The following P4HA3 variants were observed in gnomAD, a reference collection of about 807,000 sequenced individuals.
P4HA3 encodes prolyl 4-hydroxylase subunit alpha-3.
A neutral mutation model predicts 66.7 loss-of-function variants in P4HA3; 60 were observed. The observed-to-expected ratio is 0.90, with a 90% CI of 0.73 to 1.12. The LOEUF (loss-of-function observed/expected upper bound fraction) is 1.12. Among genes scored for constraint, P4HA3 ranks in the 50% most tolerant of loss-of-function variants. The pLI is 0.00. For synonymous variants in P4HA3, 263 were observed against 274.6 expected (o/e 0.96, Z 0.42); for missense variants, 683 against 685.8 (o/e 1.00, Z 0.05).
intron 1 of P4HA3, among the ~76,000 whole-genome samples, chr11:74,308,994 C>T (rs1235822734): frequency 6.6e-6 from 1 of 152,144 alleles, no homozygotes; most frequent in Admixed American, 6.5e-5. Flanking sequence ...CTGTTAAACT[C>T]CTGAATTCAC....
chr11:74,307,427 C>T (rs1375487458), intron 1 of P4HA3, among the ~76,000 whole-genome samples: 1 of 152,124 alleles, frequency 6.6e-6, no homozygotes, highest in Non-Finnish European at 1.5e-5. Flanking sequence ...TTCTTAGCAC[C>T]CCTCTTTGCA....
At chr11:74,287,184 C>T in intron 5 of P4HA3, 1 of 1,275,692 alleles carries the variant, frequency 7.8e-7, no homozygotes, top group South Asian at 1.3e-5. Context: ...CTGCTGGCCT[C>T]TTTGCATGAC....
intron 1 of P4HA3, among the ~76,000 whole-genome samples, chr11:74,305,889 A>G (rs1054746745): frequency 2.6e-5 from 4 of 152,210 alleles, no homozygotes; most frequent in Non-Finnish European, 5.9e-5. Context: ...TTAGTGAGTA[A>G]GAAAGACACA....
chr11:74,300,542 C>G (rs1023719905), intron 3 of P4HA3, among the ~76,000 whole-genome samples: 1 of 152,020 alleles, frequency 6.6e-6, no homozygotes, highest in Non-Finnish European at 1.5e-5. Flanking sequence ...TCACTTGAGC[C>G]CCCCCAGGTG....
chr11:74,306,782 T>C (rs752883238), intron 1 of P4HA3, among the ~76,000 whole-genome samples: 4 of 152,168 alleles, frequency 2.6e-5, no homozygotes, highest in South Asian at 2.1e-4. Flanking sequence ...AAATGTTCAA[T>C]TCAACATAAA....
At chr11:74,280,349 G>A (rs1355979622) in intron 7 of P4HA3, among the ~76,000 whole-genome samples, 8 of 151,632 alleles carry the variant, frequency 5.3e-5, no homozygotes, top group African/African-American at 1.2e-4. Context: ...TTGTAGATAC[G>A]GGGTCTTGTT....
At chr11:74,269,546 TGGCCCTCCTCC>T in intron 11 of P4HA3, 95 bp downstream of exon 11, 2 of 1,176,692 alleles carry the variant, frequency 1.7e-6, no homozygotes, top group Non-Finnish European at 2.4e-6. Context: ...GACCTCTTTT[TGGCCCTCCTCC>T]CAGGAATGGG....
chr11:74,288,755 C>G (rs1291264572), intron 5 of P4HA3, among the ~76,000 whole-genome samples: 1 of 151,870 alleles, frequency 6.6e-6, no homozygotes, highest in Non-Finnish European at 1.5e-5. Context: ...TTGAGACCAG[C>G]CTGGCCAACG....
intron 5 of P4HA3, 112 bp downstream of exon 5, chr11:74,288,964 AAAG>A: frequency 1.3e-6 from 1 of 751,144 alleles, no homozygotes; most frequent in Non-Finnish European, 1.9e-6. Context: ...AAAAAAAAAA[AAAG>A]ATAATAAAGA....
intron 7 of P4HA3, among the ~76,000 whole-genome samples, chr11:74,280,498 TC>T (rs1322314719): frequency 6.6e-6 from 1 of 152,080 alleles, no homozygotes; most frequent in African/African-American, 2.4e-5. Context: ...AATTGCAAAA[TC>T]CAGGGACAGA....
intron 15 of P4HA3, chr11:74,253,681 A>G: frequency 1.1e-5 from 8 of 731,046 alleles, no homozygotes; most frequent in Non-Finnish European, 1.9e-5. Context: ...TGCCAAAAGC[A>G]TTGTTTTCCA....
intron 4 of P4HA3, among the ~76,000 whole-genome samples, chr11:74,292,559 T>A (rs1861067873): frequency 6.6e-6 from 1 of 152,206 alleles, no homozygotes; most frequent in Non-Finnish European, 1.5e-5. Context: ...TTTAGATCTT[T>A]CCTGCTTTCT....
At chr11:74,282,937 G>A (rs1407983957) in intron 7 of P4HA3, among the ~76,000 whole-genome samples, 1 of 152,210 alleles carries the variant, frequency 6.6e-6, no homozygotes, top group East Asian at 1.9e-4. Flanking sequence ...GGGCTAGCGG[G>A]CCCAGCGAAG....
At chr11:74,286,485 A>G in intron 5 of P4HA3, 94 bp from the exon 6 acceptor site, 1 of 1,218,258 alleles carries the variant, frequency 8.2e-7, no homozygotes, top group Non-Finnish European at 1.1e-6. Context: ...TCACTGCTGC[A>G]CAGGATGGGC....
At chr11:74,282,163 T>TC (rs931004741) in intron 7 of P4HA3, among the ~76,000 whole-genome samples, 10 of 150,390 alleles carry the variant, frequency 6.6e-5, no homozygotes, top group African/African-American at 2.4e-4. Flanking sequence ...CCCTAAGGAA[T>TC]CCCCCCCATC....
Position 74,286,364 on chromosome 11 carries a change from T to G in P4HA3, c.797A>C (p.Asn266Thr). Residue 266 changes from asparagine (N) to threonine (T), a missense_variant, in exon 6 of 13, where the codon AAT becomes ACT. Asn to Thr is a moderately conservative substitution (Grantham distance 65, BLOSUM62 0). Transcript: ENST00000331597. The part of the protein sequence containing the change: ...YSPDNKRMAR[N>T]VLKYERLLAE... ...CAAGAGCCTTTCATATTTCAAGACA[T>G]TCCTGGCCATCCTCTTATTATCTGG... The G allele has an allele frequency of 2.6e-6, 4 of 1,563,068 alleles. No individual in the cohort carries two copies. The highest frequency in any genetic ancestry group is 3.5e-6 in the Non-Finnish European group (4 of 1,156,666).
chr11:74,266,780 G>A lies in P4HA3; in HGVS notation c.*468C>T. The A allele has an allele frequency of 2.3e-6, 1 of 444,298 alleles. No individual in the cohort carries two copies. The highest frequency in any genetic ancestry group is 4.0e-6 in the Non-Finnish European group (1 of 251,162). The allele number at this position is 444,298 out of a possible 1,614,324, so 27.5% of individuals were successfully genotyped here. ...ACTCATCTGGGATATGCTTCTGGGA[G>A]GGGGACACTCCCTGCTTGGGCTGCA... On this transcript the variant is annotated 3_prime_UTR_variant, in exon 13 of 13. Coordinates refer to ENST00000331597, the MANE Select transcript of P4HA3 (RefSeq NM_182904.5).
chr11:74,295,954 TGA>T (rs1321706613), intron 4 of P4HA3, among the ~76,000 whole-genome samples: 5 of 152,340 alleles, frequency 3.3e-5, no homozygotes, highest in Admixed American at 6.5e-5. Flanking sequence ...TTCTAAAACT[TGA>T]GAGTCTTGTA....
chr11:74,301,589 T>C (rs1861408176), intron 3 of P4HA3, among the ~76,000 whole-genome samples: 1 of 152,232 alleles, frequency 6.6e-6, no homozygotes, highest in Admixed American at 6.5e-5. Flanking sequence ...TGATGAATAC[T>C]GTAGGAGTCA....
Sources: gnomAD v4.1 joint callset for allele counts (sites outside exome capture counted in the v4.1 genomes callset) on GRCh38, gnomAD v4.1.1 for gene constraint, MANE v1.5 for transcripts, NCBI Gene and HGNC (gene_info 2026-07-23, HGNC 2026-07-21) for gene names.